The following INPP5B variants were observed in gnomAD, a reference collection of about 807,000 sequenced individuals.
The protein encoded by INPP5B is type II inositol 1,4,5-trisphosphate 5-phosphatase.
Under a neutral mutation model 118.5 loss-of-function variants are expected in INPP5B, and 90 were observed. That is an observed-to-expected ratio of 0.76 (90% CI 0.64 to 0.90). INPP5B has a LOEUF of 0.90. INPP5B is among the 40% of genes least tolerant of loss of function. INPP5B has a pLI of 0.00. For synonymous variants in INPP5B, 385 were observed against 418.9 expected, an observed-to-expected ratio of 0.92 and a Z score of 0.99; for missense variants, 984 against 1,125.6, an observed-to-expected ratio of 0.87 and a Z score of 1.80.
At chr1:37,935,173 T>C (rs1370586058) in intron 6 of INPP5B, among the ~76,000 whole-genome samples, 2 of 110,436 alleles carry the variant, frequency 1.8e-5, no homozygotes, top group Non-Finnish European at 1.8e-5. Flanking sequence ...TGCACTCCAG[T>C]CCGGGCGACA....
chr1:37,901,474 C>T (rs1644329415), intron 7 of INPP5B, among the ~76,000 whole-genome samples: 1 of 152,132 alleles, frequency 6.6e-6, no homozygotes, highest in Admixed American at 6.6e-5. Context: ...TTTCTAATGA[C>T]TCTCTCAGGA....
intron 7 of INPP5B, among the ~76,000 whole-genome samples, chr1:37,893,517 AT>A (rs1643908641): frequency 6.6e-6 from 1 of 152,018 alleles, no homozygotes; most frequent in African/African-American, 2.4e-5. Context: ...ATATATTCCT[AT>A]CCCCAGTGTC....
chr1:37,896,310 T>C (rs546158083), intron 7 of INPP5B, among the ~76,000 whole-genome samples: 3,361 of 133,514 alleles, frequency 0.025, 109 homozygotes, highest in African/African-American at 0.09. Context: ...GGAGACCCTC[T>C]GCCTGGCAAC....
intron 5 of INPP5B, chr1:37,942,092 A>G (rs1045349434): frequency 6.7e-6 from 1 of 149,530 alleles, no homozygotes; most frequent in African/African-American, 2.5e-5. Flanking sequence ...CCTTGTCCAT[A>G]AAATGGAGAT....
chr1:37,896,935 G>C (rs1404795212), intron 7 of INPP5B, among the ~76,000 whole-genome samples: 1 of 134,566 alleles, frequency 7.4e-6, no homozygotes, highest in Admixed American at 7.1e-5. Context: ...CTACTGGGAA[G>C]TGAGGAGCCA....
At chr1:37,889,363 C>T (rs1643710210) in intron 9 of INPP5B, among the ~76,000 whole-genome samples, 194 bp downstream of exon 9, 1 of 152,208 alleles carries the variant, frequency 6.6e-6, no homozygotes. Context: ...ACACCTATCA[C>T]CGTGCCCACC....
chr1:37,896,846 C>G (rs1254595824), intron 7 of INPP5B, among the ~76,000 whole-genome samples: 60 of 129,228 alleles, frequency 4.6e-4, no homozygotes, highest in Middle Eastern at 6.7e-3. Flanking sequence ...GCCTAGCCGC[C>G]CCTACGGGGA....
At chr1:37,932,505 AC>A (rs1363501792) in intron 6 of INPP5B, among the ~76,000 whole-genome samples, 11 of 151,526 alleles carry the variant, frequency 7.3e-5, no homozygotes, top group Non-Finnish European at 1.2e-4. Flanking sequence ...AGTAGCTGGG[AC>A]TACAGGCACG....
chr1:37,888,945 C>G (rs1373675933), intron 9 of INPP5B, among the ~76,000 whole-genome samples: 2 of 152,070 alleles, frequency 1.3e-5, no homozygotes, highest in African/African-American at 4.8e-5. Context: ...AGTATAAAAC[C>G]TTGGAGGGAT....
At chr1:37,931,362 G>A (rs1433750764) in intron 7 of INPP5B, 17 of 1,272,240 alleles carry the variant, frequency 1.3e-5, no homozygotes, top group Non-Finnish European at 1.6e-5. Context: ...AGCTCAGATG[G>A]AGCAACAGGC....
rs749955083 is a variant in INPP5B, at chr1:37,874,157, T to C, written c.1789-2A>G. The C allele has an allele frequency of 6.4e-7, 1 of 1,558,630 alleles. No homozygotes were observed. Among genetic ancestry groups the C allele is most frequent in the African/African-American group, 1.4e-5 (1 of 73,988 alleles). ...GTACTTCACATTCTGAAAACAGAAC[T>C]GGGAAGAAGCCCGGGGCCAGTGAAA... On this transcript the variant is annotated splice_acceptor_variant, in intron 17 of 23. Transcript: ENST00000373024. LOFTEE classifies it high-confidence loss of function.
At chr1:37,932,088 G>A (rs766999748) in intron 6 of INPP5B, 35 bp from the exon 7 acceptor site, 65 of 1,525,718 alleles carry the variant, frequency 4.3e-5, no homozygotes, top group Non-Finnish European at 5.1e-5. Flanking sequence ...ACTGAGCCAC[G>A]AGCTTGAAGA....
Position 37,885,644 on chromosome 1 carries a change from T to C in INPP5B, c.1313A>G (p.Asn438Ser), listed in dbSNP as rs764793515. The change falls in exon 13 of 24, where the codon AAC (asparagine) becomes AGC (serine). Residue 438 changes from asparagine (N) to serine (S), a missense_variant. Physicochemically the swap from Asn to Ser is conservative, Grantham distance 46. This residue lies in a region of INPP5B where 634 missense variants were observed against 791.0 expected (regional missense o/e 0.80). Transcript: ENST00000373024. ...DPSLPPLTIS[N>S]HDVILWLGDL... is the part of the protein sequence containing the mutation. Reference sequence around the variant, plus strand: ...GGTGGAAGCCCAGACTCACTCATGGTTGCTGATGGTGAGAGGGGGAAGGCT... The same window carrying C: ...GGTGGAAGCCCAGACTCACTCATGGCTGCTGATGGTGAGAGGGGGAAGGCT... 22 of 1,613,362 alleles carry C rather than the reference T, an allele frequency of 1.4e-5. No individual in the cohort carries two copies. The East Asian group carries it at 4.7e-4, about 34-fold the overall frequency.
chr1:37,927,194 C>CT lies in INPP5B; in HGVS notation c.532+4718dup, dbSNP rs774070308. 1.8e-3 allele frequency among the ~76,000 whole-genome samples: 274 copies of CT among 152,102 alleles called. 1 individual carries two copies. Among genetic ancestry groups the CT allele is most frequent in the Non-Finnish European group, 3.1e-3 (213 of 68,004 alleles). ...TATGTAGTCCCAGCTACTAGAGAGG[C>CT]TAAGGCAGGAGAATTACTTGAACCC... On this transcript the variant is annotated intron_variant, in intron 7 of 23. Transcript: ENST00000373024.
At chr1:37,863,244 G>A (rs926447963) in intron 23 of INPP5B, among the ~76,000 whole-genome samples, 1 of 151,496 alleles carries the variant, frequency 6.6e-6, no homozygotes, top group South Asian at 2.1e-4. Context: ...GGCAGGGTGC[G>A]GTGGCTCAGG....
chr1:37,944,010 C>T, intron 3 of INPP5B, 117 bp from the exon 4 acceptor site: 1 of 738,236 alleles, frequency 1.4e-6, no homozygotes. Context: ...GCTGGTGGTG[C>T]CCTGGCTAGG....
chr1:37,912,327 C>T (rs1292592581), intron 7 of INPP5B, among the ~76,000 whole-genome samples: 1 of 152,212 alleles, frequency 6.6e-6, no homozygotes, highest in Admixed American at 6.5e-5. Context: ...AAACAGCCAG[C>T]CTGATCTCTC....
chr1:37,915,800 A>G (rs1264771972), intron 7 of INPP5B, among the ~76,000 whole-genome samples: 2 of 152,172 alleles, frequency 1.3e-5, no homozygotes, highest in Non-Finnish European at 2.9e-5. Context: ...TTTGTGTTTT[A>G]TATACATACA....
chr1:37,943,988 C>T lies in INPP5B; in HGVS notation c.153-95G>A, dbSNP rs982026991. On this transcript the variant is annotated intron_variant, in intron 3 of 23. Transcript: ENST00000373024. ...GGGGTGCTCACACTCGCTCGTTGGTCCCTAACACTGTGCTGGTGGTGCCCT... is the reference window on the plus strand; with the variant it reads ...GGGGTGCTCACACTCGCTCGTTGGTTCCTAACACTGTGCTGGTGGTGCCCT... 24 of 856,336 alleles carry T rather than the reference C, an allele frequency of 2.8e-5. No homozygotes were observed. The South Asian group carries it at 2.9e-4, about 10-fold the overall frequency. The allele number at this position is 856,336 out of a possible 1,614,324, so 53.0% of individuals were successfully genotyped here.
Sources: allele counts gnomAD v4.1 joint callset (sites outside exome capture counted in the v4.1 genomes callset), GRCh38; gene constraint gnomAD v4.1.1; regional missense constraint gnomAD v4.1.1; transcripts MANE v1.5; gene names NCBI Gene and HGNC (gene_info 2026-07-23, HGNC 2026-07-21).